The following CSGALNACT1 variants were observed in gnomAD, a reference collection of about 807,000 sequenced individuals.
The protein encoded by CSGALNACT1 is chondroitin sulfate N-acetylgalactosaminyltransferase 1.
A neutral mutation model predicts 51.0 loss-of-function variants in CSGALNACT1; 52 were observed. The observed-to-expected ratio is 1.02, with a 90% CI of 0.82 to 1.29. The LOEUF is 1.29. CSGALNACT1 is among the 50% of genes most tolerant of loss of function. CSGALNACT1 has a pLI of 0.00. For synonymous variants in CSGALNACT1, 341 were observed against 254.4 expected, an observed-to-expected ratio of 1.34 and a Z score of -3.24; for missense variants, 935 against 679.2, an observed-to-expected ratio of 1.38 and a Z score of -4.19.
intron 1 of CSGALNACT1, among the ~76,000 whole-genome samples, chr8:19,657,683 G>A (rs1231669147): frequency 1.3e-5 from 2 of 152,160 alleles, no homozygotes; most frequent in African/African-American, 4.8e-5. Context: ...TTAAGAATAA[G>A]GGCAAAACAA....
chr8:19,691,702 A>C (rs1431752056), intron 1 of CSGALNACT1, among the ~76,000 whole-genome samples: 2 of 152,174 alleles, frequency 1.3e-5, no homozygotes, highest in Non-Finnish European at 2.9e-5. Context: ...CTAGTGACTC[A>C]GCCTCTTTAA....
intron 3 of CSGALNACT1, among the ~76,000 whole-genome samples, chr8:19,507,517 C>T (rs2077568558): frequency 8.2e-6 from 1 of 122,680 alleles, no homozygotes; most frequent in Non-Finnish European, 1.6e-5. Flanking sequence ...TTCCCCTACC[C>T]ATCTTAGCCA....
Position 19,655,271 on chromosome 8 carries a change from C to T in CSGALNACT1, c.-544+27202G>A, listed in dbSNP as rs555210378. Among the ~76,000 whole-genome samples the T allele has an allele frequency of 9.2e-5, 14 of 152,260 alleles. No homozygotes were observed. In the South Asian group the frequency reaches 1.2e-3, roughly 14 times the overall value. ...CAACAAATCCAAGCCCTTTATGACA[C>T]GGTATGCCATCACTCAAGAGAAGGC... On this transcript the variant is annotated intron_variant, in intron 1 of 9. Transcript: ENST00000332246.
chr8:19,580,679 C>T (rs965182599), intron 3 of CSGALNACT1, among the ~76,000 whole-genome samples: 1 of 152,090 alleles, frequency 6.6e-6, no homozygotes, highest in African/African-American at 2.4e-5. Context: ...GATCAAATGA[C>T]CAAAACCAAG....
Position 19,470,842 on chromosome 8 carries a change from T to C in CSGALNACT1, c.635-12200A>G, listed in dbSNP as rs189752717. Among the ~76,000 whole-genome samples, 224 of 152,252 alleles carry C rather than the reference T, an allele frequency of 1.5e-3. 1 individual carries two copies. Among genetic ancestry groups the C allele is most frequent in the Middle Eastern group, 6.8e-3 (2 of 294 alleles). Reference sequence around the variant, plus strand: ...TGGACGTGGTGGTTCACGCCTATAATCCCAACACTTTCGGAGGCTGAGGTG... The same window carrying C: ...TGGACGTGGTGGTTCACGCCTATAACCCCAACACTTTCGGAGGCTGAGGTG... On this transcript the variant is annotated intron_variant, in intron 4 of 9. Transcript: ENST00000454498.
intron 1 of CSGALNACT1, among the ~76,000 whole-genome samples, chr8:19,713,992 C>A (rs2062660513): frequency 6.6e-6 from 1 of 152,210 alleles, no homozygotes; most frequent in African/African-American, 2.4e-5. Flanking sequence ...TCAATGGATG[C>A]ATGGCACTGG....
chr8:19,639,112 C>T (rs1257922495), intron 1 of CSGALNACT1, among the ~76,000 whole-genome samples: 5 of 152,112 alleles, frequency 3.3e-5, no homozygotes, highest in African/African-American at 7.2e-5. Flanking sequence ...GTTTCCCTAG[C>T]CCCTCTAAAA....
chr8:19,417,069 G>A (rs2057035006), intron 8 of CSGALNACT1, among the ~76,000 whole-genome samples: 2 of 151,926 alleles, frequency 1.3e-5, no homozygotes, highest in Admixed American at 6.6e-5. Context: ...TGGCTAGGCT[G>A]GTCTCAAACT....
intron 1 of CSGALNACT1, among the ~76,000 whole-genome samples, chr8:19,658,283 G>T (rs760299483): frequency 6.6e-6 from 1 of 152,094 alleles, no homozygotes; most frequent in African/African-American, 2.4e-5. Flanking sequence ...CTAGCACCTT[G>T]ATCTTGGACT....
intron 3 of CSGALNACT1, among the ~76,000 whole-genome samples, chr8:19,570,659 T>C (rs1015307664): frequency 1.3e-5 from 2 of 152,142 alleles, no homozygotes; most frequent in African/African-American, 4.8e-5. Flanking sequence ...GCCAGCACTT[T>C]GGGAGGCCGA....
chr8:19,469,550 G>C (rs1586707924), intron 4 of CSGALNACT1, among the ~76,000 whole-genome samples: 1 of 152,180 alleles, frequency 6.6e-6, no homozygotes, highest in East Asian at 1.9e-4. Flanking sequence ...AGTGAGTTGA[G>C]TGTTTTTCCT....
chr8:19,618,138 C>T (rs370358342), intron 1 of CSGALNACT1, among the ~76,000 whole-genome samples: 22 of 152,202 alleles, frequency 1.4e-4, no homozygotes, highest in African/African-American at 4.1e-4. Context: ...CTCACCCCCC[C>T]GACAAAGCAC....
At chr8:19,554,456 T>C (rs2089170565) in intron 3 of CSGALNACT1, among the ~76,000 whole-genome samples, 1 of 152,162 alleles carries the variant, frequency 6.6e-6, no homozygotes, top group African/African-American at 2.4e-5. Context: ...ATGCCACCTC[T>C]GGGTAATGAA....
At chr8:19,684,409 A>G (rs1164190548), upstream of CSGALNACT1, among the ~76,000 whole-genome samples, 2 of 152,182 alleles carry the variant, frequency 1.3e-5, no homozygotes, top group South Asian at 2.1e-4. Flanking sequence ...GAGACTGTAG[A>G]CCTAATAAAA....
At chr8:19,634,388 G>C (rs1165994982) in intron 1 of CSGALNACT1, among the ~76,000 whole-genome samples, 1 of 152,188 alleles carries the variant, frequency 6.6e-6, no homozygotes, top group South Asian at 2.1e-4. Context: ...AAGAGGCCAG[G>C]TGTGGTGGCT....
intron 2 of CSGALNACT1, among the ~76,000 whole-genome samples, chr8:19,601,232 A>G (rs2050361285): frequency 1.3e-5 from 2 of 152,236 alleles, no homozygotes; most frequent in South Asian, 4.1e-4. Context: ...CCGTAAGGGC[A>G]CTATTCTCAA....
At chr8:19,408,262 C>T (rs780702871) in intron 9 of CSGALNACT1, among the ~76,000 whole-genome samples, 7 of 151,998 alleles carry the variant, frequency 4.6e-5, no homozygotes, top group Non-Finnish European at 8.8e-5. Context: ...AAAATGCCAC[C>T]TACTACCAGG....
At chr8:19,534,530 T>C (rs116294515) in intron 3 of CSGALNACT1, among the ~76,000 whole-genome samples, 3,574 of 152,198 alleles carry the variant, frequency 0.023, 150 homozygotes, top group African/African-American at 0.082. Context: ...ATCGGCTGCA[T>C]TGCTGTAGAT....
chr8:19,555,205 C>T (rs1267309739), intron 3 of CSGALNACT1, among the ~76,000 whole-genome samples: 2 of 150,698 alleles, frequency 1.3e-5, no homozygotes, highest in African/African-American at 4.9e-5. Context: ...CGCCATTGCA[C>T]TCCAGCCTGG....
Sources: gnomAD v4.1 joint callset for allele counts (sites outside exome capture counted in the v4.1 genomes callset) on GRCh38, gnomAD v4.1.1 for gene constraint, MANE v1.5 for transcripts, NCBI Gene and HGNC (gene_info 2026-07-23, HGNC 2026-07-21) for gene names.